BTN3A2: variants seen among roughly 807,000 people sequenced by gnomAD.
BTN3A2 encodes butyrophilin subfamily 3 member A2.
In BTN3A2, 25 loss-of-function variants were observed where a neutral mutation model predicts 37.6. The observed-to-expected ratio is 0.66, with a 90% confidence interval of 0.48 to 0.93. The LOEUF is 0.93. Ranked by LOEUF, BTN3A2 falls within the 40% of genes least tolerant of loss-of-function variation. The pLI is 0.00. For missense variants in BTN3A2, 266 were observed against 410.9 expected, an observed-to-expected ratio of 0.65 and a Z score of 3.05; for synonymous variants, 122 against 159.4, an observed-to-expected ratio of 0.77 and a Z score of 1.77.
At chr6:26,372,766 G>C in intron 5 of BTN3A2, 131 bp from the exon 6 acceptor site, 1 of 1,073,406 alleles carries the variant, frequency 9.3e-7, no homozygotes, top group Non-Finnish European at 1.3e-6. Flanking sequence ...TTTAGGGAGA[G>C]AATCCTTATT....
At position 26,376,486 on chromosome 6, in the gene BTN3A2, T is replaced by C; in HGVS notation, c.*724T>C. On this transcript the variant is annotated 3_prime_UTR_variant, in exon 11 of 11. Transcript: ENST00000377708. The stretch of plus-strand genomic sequence containing the variant: ...GACACGGGGTTCTGGAAGGACCTCC[T>C]CAGCATGGCCCAAGCCTTGCATGCT... 8.6e-7 allele frequency: 1 copy of C among 1,166,050 alleles called. No individual in the cohort carries two copies. Among genetic ancestry groups the C allele is most frequent in the Non-Finnish European group, 1.2e-6 (1 of 862,938 alleles). The allele number at this position is 1,166,050 out of a possible 1,614,324, so 72.2% of individuals were successfully genotyped here.
intron 1 of BTN3A2, among the ~76,000 whole-genome samples, chr6:26,366,784 C>T (rs1759548050): frequency 6.6e-6 from 1 of 152,204 alleles, no homozygotes; most frequent in African/African-American, 2.4e-5. Flanking sequence ...AGGCCATTCC[C>T]AGACCCACAG....
In BTN3A2 at chr6:26,365,474, CTGTGTGTGTGTGTGTGTGTGTG is replaced by C. The variant is rs55949951; in HGVS notation, c.-67+144_-67+165del. On this transcript the variant is annotated intron_variant, in intron 1 of 10. Coordinates refer to ENST00000377708, the MANE Select transcript of BTN3A2 (RefSeq NM_007047.5). ...TCTCCCAGAGAAAGGGGTGCAGTGCCTGTGTGTGTGTGTGTGTGTGTGTGTGTGTGTGTGTGTGTGTGTACAT... is the reference window on the plus strand; with the variant it reads ...TCTCCCAGAGAAAGGGGTGCAGTGCCTGTGTGTGTGTGTGTGTGTGTACAT... 2,211 of 549,838 alleles carry C rather than the reference CTGTGTGTGTGTGTGTGTGTGTG, an allele frequency of 4.0e-3. 6 individuals carry two copies. Among genetic ancestry groups the C allele is most frequent in the Non-Finnish European group, 5.2e-3 (1,700 of 324,754 alleles). The allele number at this position is 549,838 out of a possible 1,614,324, so 34.1% of individuals were successfully genotyped here. A position where few individuals can be genotyped will look rare whatever the true frequency, so the allele number is the denominator to read the frequency against.
rs759678650 is a variant in BTN3A2 at position 26,368,692 on chromosome 6, C to T, written c.213C>T (p.Ser71=). 1.9e-6 allele frequency: 3 copies of T among 1,614,024 alleles called. No homozygotes were observed. In the South Asian group the frequency reaches 3.3e-5, roughly 18 times the overall value. ...ETMELKWVSS[S]LRQVVNVYAD... ...TGGAGCTGAAGTGGGTAAGTTCCAG[C>T]CTAAGGCAGGTGGTGAACGTGTATG... Residue 71 remains serine (S), a synonymous_variant, in exon 4 of 11, where the codon AGC becomes AGT. Transcript: ENST00000377708.
At chr6:26,369,734 T>C (rs1759909658) in intron 4 of BTN3A2, among the ~76,000 whole-genome samples, 1 of 152,196 alleles carries the variant, frequency 6.6e-6, no homozygotes, top group Non-Finnish European at 1.5e-5. Flanking sequence ...GGGGTGGTAT[T>C]GTTTTTCCCA....
At chr6:26,375,736 G>A in intron 10 of BTN3A2, 61 bp from the exon 11 acceptor site, 4 of 1,547,672 alleles carry the variant, frequency 2.6e-6, no homozygotes, top group Non-Finnish European at 3.5e-6. Flanking sequence ...TGTGGGCTGA[G>A]TAAATAATAT....
chr6:26,372,876 C>T, intron 5 of BTN3A2, 21 bp from the exon 6 acceptor site: 4 of 1,612,520 alleles, frequency 2.5e-6, no homozygotes, highest in Middle Eastern at 4.2e-4. Flanking sequence ...CGCCCATGAC[C>T]TACAGCTCTC....
chr6:26,366,724 T>A (rs1238159662), intron 1 of BTN3A2, among the ~76,000 whole-genome samples: 1 of 152,166 alleles, frequency 6.6e-6, no homozygotes. Context: ...CTCTGTTCCC[T>A]TGCTTCCTCT....
chr6:26,370,282 A>G, intron 4 of BTN3A2, 40 bp from the exon 5 acceptor site: 1 of 1,603,114 alleles, frequency 6.2e-7, no homozygotes, highest in South Asian at 1.1e-5. Flanking sequence ...TCCCTAATAC[A>G]GGAGCTATCC....
chr6:26,374,319 C>A lies in BTN3A2; in HGVS notation c.965-8C>A. Reference sequence around the variant, plus strand: ...TCTGGTGACACCTCTACCTTTCTTTCATTGTAGGTGGAGAGGAGTCTTCGT... The same window carrying A: ...TCTGGTGACACCTCTACCTTTCTTTAATTGTAGGTGGAGAGGAGTCTTCGT... On this transcript the variant is annotated splice_region_variant and splice_polypyrimidine_tract_variant and intron_variant, in intron 8 of 10. Coordinates refer to ENST00000377708, the MANE Select transcript of BTN3A2 (RefSeq NM_007047.5). The A allele has an allele frequency of 1.3e-6, 2 of 1,582,246 alleles. No homozygotes were observed. The highest frequency in any genetic ancestry group is 1.7e-6 in the Non-Finnish European group (2 of 1,162,992).
In BTN3A2 at chr6:26,376,669, C is replaced by G; in HGVS notation, c.*907C>G. 1 of 1,521,158 alleles carries G rather than the reference C, an allele frequency of 6.6e-7. No individual in the cohort carries two copies. The highest frequency in any genetic ancestry group is 9.1e-7 in the Non-Finnish European group (1 of 1,096,992). The allele number at this position is 1,521,158 out of a possible 1,614,324, so 94.2% of individuals were successfully genotyped here. A position where few individuals can be genotyped will look rare whatever the true frequency, so the allele number is the denominator to read the frequency against. On this transcript the variant is annotated 3_prime_UTR_variant, in exon 11 of 11. Coordinates refer to ENST00000377708, the MANE Select transcript of BTN3A2 (RefSeq NM_007047.5). ...CGTGCTGAGGAGCCCCATGACCTAC[C>G]AGACAACCCTGAGAGATTTGAATGG...
chr6:26,373,565 C>G (rs1489642124), intron 8 of BTN3A2, 152 bp downstream of exon 8: 11 of 579,536 alleles, frequency 1.9e-5, no homozygotes, highest in Admixed American at 1.2e-4. Context: ...TTTGGAGAAA[C>G]CACCCAGTGC....
chr6:26,365,388 A>G, intron 1 of BTN3A2, 36 bp downstream of exon 1: 1 of 1,535,406 alleles, frequency 6.5e-7, no homozygotes. Context: ...CTGGGCTACA[A>G]CGCATGGGAG....
chr6:26,367,299 G>T (rs1230777178), intron 1 of BTN3A2, among the ~76,000 whole-genome samples: 1 of 152,172 alleles, frequency 6.6e-6, no homozygotes, highest in African/African-American at 2.4e-5. Flanking sequence ...TTTAAAAATA[G>T]TGCTGCAGTG....
rs1030472853 is a variant in BTN3A2, at chr6:26,375,897, C to A, written c.*135C>A. The A allele has an allele frequency of 3.9e-6, 6 of 1,526,210 alleles. No homozygotes were observed. The highest frequency in any genetic ancestry group is 2.4e-5 in the South Asian group (2 of 83,186). The allele number at this position is 1,526,210 out of a possible 1,614,324, so 94.5% of individuals were successfully genotyped here. On this transcript the variant is annotated 3_prime_UTR_variant, in exon 11 of 11. Coordinates refer to ENST00000377708, the MANE Select transcript of BTN3A2 (RefSeq NM_007047.5). The stretch of plus-strand genomic sequence containing the variant: ...GGAACTCATTTAGCTCACGAGTGGT[C>A]GAGTGAAGATTGAAAATTAACCTCT...
intron 9 of BTN3A2, 186 bp from the exon 10 acceptor site, chr6:26,374,585 C>A: frequency 1.2e-6 from 1 of 854,904 alleles, no homozygotes; most frequent in Non-Finnish European, 1.8e-6. Context: ...CCCCATGACA[C>A]AGGGAGCCAA....
intron 8 of BTN3A2, 96 bp from the exon 9 acceptor site, chr6:26,374,231 A>ATGGATGC: frequency 4.0e-6 from 2 of 495,458 alleles, no homozygotes; most frequent in Non-Finnish European, 6.8e-6. Flanking sequence ...AAAAAAAAAA[A>ATGGATGC]AAAAAAAAAG....
At position 26,377,294 on chromosome 6, in the gene BTN3A2, G is replaced by T. The variant is rs1486133931; in HGVS notation, c.*1532G>T. On this transcript the variant is annotated 3_prime_UTR_variant, in exon 11 of 11. Transcript: ENST00000377708. ...AACCATAAAGCTACAGGCACACACT[G>T]AAGCACTTTACTGATATTCATTCAA... The T allele has an allele frequency of 1.3e-6, 1 of 751,586 alleles. No individual in the cohort carries two copies. Among genetic ancestry groups the T allele is most frequent in the Admixed American group, 2.0e-5 (1 of 49,016 alleles). The allele number at this position is 751,586 out of a possible 1,614,324, so 46.6% of individuals were successfully genotyped here.
intron 1 of BTN3A2, 102 bp downstream of exon 1, chr6:26,365,454 CAGAGAAAGGGG>C: frequency 1.5e-6 from 2 of 1,314,152 alleles, no homozygotes; most frequent in Non-Finnish European, 2.1e-6. Flanking sequence ...AGTACTCTCC[CAGAGAAAGGGG>C]TGCAGTGCCT....
Sources: gnomAD v4.1 joint callset for allele counts (sites outside exome capture counted in the v4.1 genomes callset) on GRCh38, gnomAD v4.1.1 for gene constraint, MANE v1.5 for transcripts, NCBI Gene and HGNC (gene_info 2026-07-23, HGNC 2026-07-21) for gene names.